ABCC9: variants seen among roughly 807,000 people sequenced by gnomAD.
The protein encoded by ABCC9 is ATP binding cassette subfamily C member 9.
A neutral mutation model predicts 188.3 loss-of-function variants in ABCC9; 95 were observed. That is an observed-to-expected ratio of 0.50 (90% confidence interval 0.43 to 0.60). The LOEUF (loss-of-function observed/expected upper bound fraction) is 0.60, where lower values mean the gene tolerates loss of function less well. Ranked by LOEUF, ABCC9 falls within the 20% of genes least tolerant of loss-of-function variation. The pLI is 0.00. For missense variants in ABCC9, 1,102 were observed against 1,876.3 expected (o/e 0.59, Z 7.62); for synonymous variants, 659 against 652.7 (o/e 1.01, Z -0.15).
intron 18 of ABCC9, 85 bp from the exon 19 acceptor site, chr12:21,864,562 A>G: frequency 7.5e-6 from 7 of 936,194 alleles, no homozygotes; most frequent in Non-Finnish European, 1.1e-5. Flanking sequence ...GAGATACAAT[A>G]AACACTGGAC....
At position 21,801,078 on chromosome 12, in the gene ABCC9, C is replaced by T. The variant is rs753079722; in HGVS notation, c.4616G>A (p.Gly1539Glu). 1 of 1,613,974 alleles carries T rather than the reference C, an allele frequency of 6.2e-7. No homozygotes were observed. The highest frequency in any genetic ancestry group is 1.1e-5 in the South Asian group (1 of 91,076). ...TPESLLAQEN[G>E]VFASFVRADM ...TGCGCGAACAAAAGAAGCAAATACT[C>T]CATTTTCCTGAGCCAAGAGGCTTTC... Residue 1539 changes from glycine to glutamate, a missense_variant, in exon 40 of 40, where the codon GGA (glycine) becomes GAA (glutamate). Around this residue, in one of 12 missense-constraint regions of ABCC9, gnomAD observed 30 missense variants for 34.3 expected, o/e 0.87. Transcript: ENST00000261200.
chr12:21,851,982 A>T, intron 24 of ABCC9, 115 bp downstream of exon 24: 1 of 1,226,374 alleles, frequency 8.2e-7, no homozygotes, highest in South Asian at 1.3e-5. Context: ...TCAGATAAAG[A>T]CCATTATATT....
In ABCC9 at chr12:21,844,804, G is replaced by A; in HGVS notation, c.3208C>T (p.His1070Tyr). 6.2e-7 allele frequency: 1 copy of A among 1,613,976 alleles called. No individual in the cohort carries two copies. The highest frequency in any genetic ancestry group is 8.5e-7 in the Non-Finnish European group (1 of 1,179,876). Residue 1070 changes from histidine to tyrosine, a missense_variant, in exon 27 of 40, where the codon CAC becomes TAC. His to Tyr is a moderately conservative substitution (Grantham distance 83). Transcript: ENST00000261200. ...MGLTAAKNLH[H>Y]NLLNKIILGP... ...AGGATTATCTTATTGAGAAGGTTGT[G>A]GTGAAGATTTTTGGCAGCTGTGAGA...
chr12:21,895,439 T>A (rs1307270783), intron 12 of ABCC9, 124 bp from the exon 13 acceptor site: 2 of 853,198 alleles, frequency 2.3e-6, no homozygotes, highest in South Asian at 3.0e-5. Flanking sequence ...TTAAATGTCA[T>A]TTTGTCTGGA....
At chr12:21,904,108 C>A (rs886683497) in intron 12 of ABCC9, among the ~76,000 whole-genome samples, 2 of 152,046 alleles carry the variant, frequency 1.3e-5, no homozygotes, top group African/African-American at 4.8e-5. Flanking sequence ...AGAACAGAGC[C>A]CTCAGAAATA....
At chr12:21,889,376 T>C (rs1216787879) in intron 14 of ABCC9, among the ~76,000 whole-genome samples, 3 of 152,212 alleles carry the variant, frequency 2.0e-5, no homozygotes, top group Non-Finnish European at 4.4e-5. Context: ...AGTTATTTCT[T>C]CTTCACTTTT....
intron 5 of ABCC9, chr12:21,923,984 TAGAAAA>T: frequency 1.9e-6 from 1 of 536,872 alleles, no homozygotes; most frequent in Non-Finnish European, 3.3e-6. Context: ...AAATCATGCT[TAGAAAA>T]AGAAGCCTTA....
intron 2 of ABCC9, among the ~76,000 whole-genome samples, chr12:21,937,438 G>T (rs1949531752): frequency 6.6e-6 from 1 of 152,072 alleles, no homozygotes; most frequent in Non-Finnish European, 1.5e-5. Flanking sequence ...CAGAGGACAA[G>T]GTCACACTGT....
chr12:21,937,343 A>G (rs1949527415), intron 2 of ABCC9, among the ~76,000 whole-genome samples: 2 of 152,182 alleles, frequency 1.3e-5, no homozygotes, highest in Non-Finnish European at 2.9e-5. Flanking sequence ...CAAGAAATAC[A>G]CTCTACGCAA....
intron 12 of ABCC9, among the ~76,000 whole-genome samples, chr12:21,899,838 G>A (rs969123219): frequency 9.2e-5 from 14 of 152,208 alleles, no homozygotes; most frequent in Admixed American, 2.6e-4. Context: ...GGAACCCACC[G>A]CAGCTCAAGG....
rs377704379 is a variant in ABCC9 at position 21,815,793 on chromosome 12, G to A, written c.3993C>T (p.His1331=). 1.4e-5 allele frequency: 23 copies of A among 1,613,024 alleles called. No individual in the cohort carries two copies. The highest frequency in any genetic ancestry group is 9.4e-5 in the African/African-American group (7 of 74,838). ...GTCCAGGTTTGATGTAAGCCTTGAC[G>A]TGCTTAAGAACAGGTTTCAGATTAT... ...YENNLKPVLK[H]VKAYIKPGQK... Residue 1331 remains histidine, a synonymous_variant, in exon 34 of 40, where the codon CAC becomes CAT. Transcript: ENST00000261200.
intron 11 of ABCC9, among the ~76,000 whole-genome samples, chr12:21,907,057 GC>G (rs1948080036): frequency 6.6e-6 from 1 of 152,054 alleles, no homozygotes. Context: ...ATAGGAGAAA[GC>G]AAAAGTAGCA....
chr12:21,812,208 A>G, intron 35 of ABCC9, 51 bp from the exon 36 acceptor site: 1 of 1,283,750 alleles, frequency 7.8e-7, no homozygotes, highest in Non-Finnish European at 1.1e-6. Flanking sequence ...CACAAGTAAA[A>G]TAATATTTGT....
At chr12:21,851,824 AAC>A (rs1469201146) in intron 24 of ABCC9, among the ~76,000 whole-genome samples, 2 of 152,226 alleles carry the variant, frequency 1.3e-5, no homozygotes, top group Admixed American at 1.3e-4. Context: ...GTAAGTTTTA[AAC>A]ACACATATAA....
chr12:21,838,594 C>A (rs1944224032), intron 29 of ABCC9, among the ~76,000 whole-genome samples: 1 of 152,112 alleles, frequency 6.6e-6, no homozygotes, highest in Non-Finnish European at 1.5e-5. Flanking sequence ...TCTGAAGAAT[C>A]TTGCAAGTTC....
chr12:21,925,250 T>C (rs1183179148), intron 5 of ABCC9: 2 of 447,430 alleles, frequency 4.5e-6, no homozygotes, highest in Non-Finnish European at 4.0e-6. Context: ...TGAACATAAC[T>C]CATATAGATG....
intron 35 of ABCC9, 78 bp downstream of exon 35, chr12:21,814,566 C>A: frequency 8.1e-7 from 1 of 1,228,808 alleles, no homozygotes; most frequent in East Asian, 2.4e-5. Flanking sequence ...CTTTTGATTT[C>A]TGCAGGATTA....
At chr12:21,920,787 T>G (rs2137958676) in intron 5 of ABCC9, among the ~76,000 whole-genome samples, 1 of 152,188 alleles carries the variant, frequency 6.6e-6, no homozygotes, top group African/African-American at 2.4e-5. Flanking sequence ...GTTTTTATTT[T>G]TTTGCTCCCA....
rs575805049 is a variant in ABCC9, at chr12:21,873,021, AATTC to A, written c.2093-295_2093-292del. Among the ~76,000 whole-genome samples the A allele has an allele frequency of 6.4e-3, 973 of 152,048 alleles. 8 individuals are homozygous for A. The highest frequency in any genetic ancestry group is 0.022 in the African/African-American group (899 of 41,548). Reference sequence around the variant, plus strand: ...GAGATTAGTTTTAACTTTAATATTCAATTCATTCAGAATAAAAAGGGCAGTTTTG... The same window carrying A: ...GAGATTAGTTTTAACTTTAATATTCAATTCAGAATAAAAAGGGCAGTTTTG... On this transcript the variant is annotated intron_variant, in intron 17 of 39. Coordinates refer to ENST00000261200, the MANE Select transcript of ABCC9 (RefSeq NM_020297.4).
Sources: allele counts gnomAD v4.1 joint callset (sites outside exome capture counted in the v4.1 genomes callset), GRCh38; gene constraint gnomAD v4.1.1; regional missense constraint gnomAD v4.1.1; transcripts MANE v1.5; gene names NCBI Gene and HGNC (gene_info 2026-07-23, HGNC 2026-07-21).